The following SGCD variants were observed in gnomAD, a reference collection of about 807,000 sequenced individuals.
The protein encoded by SGCD is sarcoglycan delta.
Under a neutral mutation model 36.6 loss-of-function variants are expected in SGCD, and 18 were observed. The observed-to-expected ratio is 0.49, with a 90% CI of 0.34 to 0.73. The LOEUF (loss-of-function observed/expected upper bound fraction) is 0.73, where lower values mean the gene tolerates loss of function less well. SGCD is among the 30% of genes least tolerant of loss of function. The pLI is 0.01. For synonymous variants in SGCD, 133 were observed against 130.6 expected, an observed-to-expected ratio of 1.02 and a Z score of -0.12; for missense variants, 387 against 346.7, an observed-to-expected ratio of 1.12 and a Z score of -0.92.
intron 3 of SGCD, 48 bp downstream of exon 3, chr5:156,344,725 G>A: frequency 1.4e-6 from 2 of 1,404,362 alleles, no homozygotes; most frequent in East Asian, 2.4e-5. Flanking sequence ...GGGAGGGGAA[G>A]CGTGGGGCAA....
intron 3 of SGCD, among the ~76,000 whole-genome samples, chr5:156,316,295 G>A (rs529780314): frequency 1.2e-4 from 18 of 151,900 alleles, no homozygotes; most frequent in South Asian, 4.2e-4. Context: ...AAACATTGGC[G>A]AATGAAATTG....
the SGCD span, among the ~76,000 whole-genome samples, chr5:155,820,946 G>T: frequency 9.9e-5 from 15 of 152,048 alleles, no homozygotes; most frequent in Admixed American, 9.2e-4. Context: ...GCATGGGATT[G>T]ACATCCACAC....
chr5:155,759,387 C>T, the SGCD span, among the ~76,000 whole-genome samples: 3 of 152,134 alleles, frequency 2.0e-5, no homozygotes, highest in Admixed American at 6.6e-5. Context: ...TCACTGCATT[C>T]CTATCTTTAT....
chr5:156,411,006 G>A (rs1772718786), intron 3 of SGCD, among the ~76,000 whole-genome samples: 1 of 151,970 alleles, frequency 6.6e-6, no homozygotes, highest in South Asian at 2.1e-4. Flanking sequence ...CACATTTATT[G>A]TATAAATGCA....
At chr5:155,861,573 C>T in the SGCD span, among the ~76,000 whole-genome samples, 104 of 152,266 alleles carry the variant, frequency 6.8e-4, no homozygotes, top group Admixed American at 4.7e-3. Context: ...CAAAAATTAG[C>T]TGGGTATGGT....
intron 1 of SGCD, among the ~76,000 whole-genome samples, chr5:155,891,558 C>CTTTT (rs372399423): frequency 0.014 from 822 of 60,760 alleles, 93 homozygotes; most frequent in African/African-American, 0.051. Context: ...AATAAATACT[C>CTTTT]TTTTTTTTTT....
At chr5:156,068,396 C>G (rs1191018926) in intron 1 of SGCD, among the ~76,000 whole-genome samples, 7 of 151,916 alleles carry the variant, frequency 4.6e-5, no homozygotes, top group South Asian at 2.1e-4. Context: ...TCTTGCGATA[C>G]TTTACTGAGA....
At chr5:156,511,002 A>C (rs1177703163) in intron 4 of SGCD, among the ~76,000 whole-genome samples, 1 of 152,198 alleles carries the variant, frequency 6.6e-6, no homozygotes, top group Non-Finnish European at 1.5e-5. Flanking sequence ...TAACTGAGAG[A>C]TATACCTGCT....
the SGCD span, among the ~76,000 whole-genome samples, chr5:155,816,492 A>G: frequency 6.6e-6 from 1 of 152,190 alleles, no homozygotes; most frequent in African/African-American, 2.4e-5. Context: ...CAGGCTGAGG[A>G]GGAGGAGGAA....
chr5:156,283,126 A>T (rs1766498403), intron 3 of SGCD, among the ~76,000 whole-genome samples: 1 of 152,158 alleles, frequency 6.6e-6, no homozygotes, highest in African/African-American at 2.4e-5. Flanking sequence ...TATAATAGGG[A>T]TGTTTAACTA....
intron 1 of SGCD, among the ~76,000 whole-genome samples, chr5:156,083,293 T>G (rs376459586): frequency 2.2e-4 from 34 of 151,530 alleles, no homozygotes; most frequent in Middle Eastern, 6.8e-3. Flanking sequence ...TATCATTTTT[T>G]TCCTTTTTTT....
intron 1 of SGCD, among the ~76,000 whole-genome samples, chr5:155,968,417 G>T (rs1757943589): frequency 6.6e-6 from 1 of 152,052 alleles, no homozygotes; most frequent in Admixed American, 6.6e-5. Flanking sequence ...TCTTTCCATA[G>T]TTTCAGTTAC....
chr5:156,396,923 C>T (rs1160434059), intron 3 of SGCD, among the ~76,000 whole-genome samples: 1 of 152,240 alleles, frequency 6.6e-6, no homozygotes, highest in Non-Finnish European at 1.5e-5. Context: ...TACTCTGACT[C>T]ATAAGCCTAA....
At chr5:156,744,286 C>T (rs747146731) in intron 7 of SGCD, among the ~76,000 whole-genome samples, 1 of 152,224 alleles carries the variant, frequency 6.6e-6, no homozygotes, top group Non-Finnish European at 1.5e-5. Context: ...GGTGAGAATG[C>T]AGCATCTGCC....
At chr5:155,815,123 T>C in the SGCD span, among the ~76,000 whole-genome samples, 1 of 152,212 alleles carries the variant, frequency 6.6e-6, no homozygotes, top group African/African-American at 2.4e-5. Context: ...CGGACATATC[T>C]GTGTTGTTGT....
intron 7 of SGCD, among the ~76,000 whole-genome samples, chr5:156,657,470 A>G (rs1021516277): frequency 1.4e-5 from 2 of 144,540 alleles, no homozygotes; most frequent in Non-Finnish European, 3.0e-5. Context: ...TTAAAAACAT[A>G]CAGGTTGAGG....
chr5:156,081,063 C>G (rs1259306688), intron 1 of SGCD, among the ~76,000 whole-genome samples: 1 of 152,092 alleles, frequency 6.6e-6, no homozygotes, highest in Non-Finnish European at 1.5e-5. Context: ...ATAGGCTGTA[C>G]AGGAGGCATT....
At chr5:156,179,459 T>TA (rs1249137146) in intron 3 of SGCD, among the ~76,000 whole-genome samples, 2 of 152,164 alleles carry the variant, frequency 1.3e-5, no homozygotes, top group Non-Finnish European at 2.9e-5. Flanking sequence ...GTTGTATACT[T>TA]ACTGAGTTTG....
chr5:156,023,788 G>A (rs1405477743), intron 1 of SGCD, among the ~76,000 whole-genome samples: 1 of 152,206 alleles, frequency 6.6e-6, no homozygotes, highest in Non-Finnish European at 1.5e-5. Context: ...ATCTTCGGCT[G>A]TCTAACAAGC....
Sources: allele counts gnomAD v4.1 joint callset (sites outside exome capture counted in the v4.1 genomes callset), GRCh38; gene constraint gnomAD v4.1.1; transcripts MANE v1.5; gene names NCBI Gene and HGNC (gene_info 2026-07-23, HGNC 2026-07-21).